PDE4B: variants seen among roughly 807,000 people sequenced by gnomAD.
The protein encoded by PDE4B is 3',5'-cyclic-AMP phosphodiesterase 4B.
PDE4B carries 20 observed loss-of-function variants against 82.2 expected under a neutral mutation model. The ratio of observed to expected loss-of-function variants is 0.24; its 90% CI spans 0.17 to 0.35. PDE4B has a LOEUF of 0.35. PDE4B is among the 10% of genes least tolerant of loss of function. PDE4B has a pLI of 1.00. For missense variants in PDE4B, 655 were observed against 907.2 expected, an observed-to-expected ratio of 0.72 and a Z score of 3.57; for synonymous variants, 320 against 318.9, an observed-to-expected ratio of 1.00 and a Z score of -0.04.
intron 3 of PDE4B, among the ~76,000 whole-genome samples, chr1:66,183,642 A>T (rs1184391496): frequency 6.6e-6 from 1 of 152,198 alleles, no homozygotes; most frequent in African/African-American, 2.4e-5. Context: ...CATTTGTTAG[A>T]CAAAACTATA....
intron 3 of PDE4B, among the ~76,000 whole-genome samples, chr1:66,211,477 C>A (rs1413486599): frequency 6.6e-6 from 1 of 152,182 alleles, no homozygotes; most frequent in East Asian, 1.9e-4. Flanking sequence ...ACTCTACTTT[C>A]CTGCCTATAG....
chr1:66,351,355 A>G lies in PDE4B; in HGVS notation c.748-4172A>G, dbSNP rs552775459. On this transcript the variant is annotated intron_variant, in intron 8 of 16. Coordinates refer to ENST00000341517, the MANE Select transcript of PDE4B (RefSeq NM_002600.4). ...TTTGTGGATTTCTCTACTGAATTTA[A>G]TAAAGTAAATAATGCCCATTTCCTT... is the stretch of plus-strand genomic sequence containing the variant. Among the ~76,000 whole-genome samples, 184 of 152,344 alleles carry G rather than the reference A, an allele frequency of 1.2e-3. 1 individual carries two copies. Among genetic ancestry groups the G allele is most frequent in the Non-Finnish European group, 2.2e-3 (151 of 68,032 alleles).
chr1:66,145,899 A>G (rs1207892335), intron 3 of PDE4B, among the ~76,000 whole-genome samples: 4 of 152,154 alleles, frequency 2.6e-5, no homozygotes, highest in Non-Finnish European at 4.4e-5. Flanking sequence ...ATGTTGAATA[A>G]TGATCTCTGC....
intron 3 of PDE4B, among the ~76,000 whole-genome samples, chr1:66,199,258 C>A (rs1648642299): frequency 6.6e-6 from 1 of 151,678 alleles, no homozygotes; most frequent in Non-Finnish European, 1.5e-5. Context: ...TTCTCCACAT[C>A]CTCTCCAGCA....
At chr1:65,823,396 TAA>T (rs35854326) in intron 1 of PDE4B, among the ~76,000 whole-genome samples, 85 of 70,428 alleles carry the variant, frequency 1.2e-3, no homozygotes, top group Middle Eastern at 9.1e-3. Context: ...ACTCCATCTC[TAA>T]AAAAAAAAAA....
Position 66,371,431 on chromosome 1 carries a change from A to G in PDE4B, c.1846-882A>G, listed in dbSNP as rs571497244. Among the ~76,000 whole-genome samples the G allele has an allele frequency of 8.5e-5, 13 of 152,138 alleles. No individual in the cohort carries two copies. In the South Asian group the frequency reaches 2.5e-3, roughly 29 times the overall value. On this transcript the variant is annotated intron_variant, in intron 16 of 16. Transcript: ENST00000341517. The stretch of plus-strand genomic sequence containing the variant: ...CCCCAGTGTTTCCTGTTTGTCCAAC[A>G]ATGAGGAGGCCAGCGTAAGGCCACA...
At chr1:66,079,178 C>G (rs912033001) in intron 3 of PDE4B, among the ~76,000 whole-genome samples, 2 of 145,510 alleles carry the variant, frequency 1.4e-5, no homozygotes, top group African/African-American at 5.4e-5. Context: ...CTCTCTCTCT[C>G]TCTCTCTCTC....
At chr1:66,305,193 G>T (rs1658182468) in intron 7 of PDE4B, among the ~76,000 whole-genome samples, 1 of 152,078 alleles carries the variant, frequency 6.6e-6, no homozygotes, top group African/African-American at 2.4e-5. Context: ...AGATAAAGAG[G>T]CCAGGAAAAG....
At chr1:65,878,529 C>T (rs936361351) in intron 1 of PDE4B, among the ~76,000 whole-genome samples, 7 of 152,154 alleles carry the variant, frequency 4.6e-5, no homozygotes, top group Non-Finnish European at 7.4e-5. Context: ...GGCACATATA[C>T]GTCATGGAAT....
At chr1:66,000,599 G>A (rs1651813447) in intron 3 of PDE4B, among the ~76,000 whole-genome samples, 1 of 152,168 alleles carries the variant, frequency 6.6e-6, no homozygotes, top group Non-Finnish European at 1.5e-5. Flanking sequence ...ATACCACTGT[G>A]TACTTTAGGT....
At chr1:65,952,341 A>G (rs1198247579) in intron 3 of PDE4B, among the ~76,000 whole-genome samples, 1 of 152,020 alleles carries the variant, frequency 6.6e-6, no homozygotes, top group Non-Finnish European at 1.5e-5. Context: ...TAGCTTTCCT[A>G]CCTAATGCCT....
chr1:65,903,419 G>A (rs958857708), intron 1 of PDE4B, among the ~76,000 whole-genome samples: 3 of 148,498 alleles, frequency 2.0e-5, no homozygotes, highest in Non-Finnish European at 3.0e-5. Flanking sequence ...ACACACACAT[G>A]CACACACACA....
intron 3 of PDE4B, among the ~76,000 whole-genome samples, chr1:66,132,288 TTG>T (rs1645965319): frequency 1.3e-5 from 2 of 152,232 alleles, no homozygotes; most frequent in Non-Finnish European, 2.9e-5. Flanking sequence ...AACATAAGCT[TTG>T]TAGTCTGATA....
chr1:65,979,339 A>G (rs1306719487), intron 3 of PDE4B, among the ~76,000 whole-genome samples: 1 of 152,164 alleles, frequency 6.6e-6, no homozygotes, highest in Non-Finnish European at 1.5e-5. Flanking sequence ...TCCTTGGTAC[A>G]CAGTGTTACC....
At chr1:66,171,157 G>A (rs1007135806) in intron 3 of PDE4B, among the ~76,000 whole-genome samples, 1 of 152,018 alleles carries the variant, frequency 6.6e-6, no homozygotes, top group Admixed American at 6.6e-5. Flanking sequence ...AATTTTGCCT[G>A]CTCACATTTT....
intron 3 of PDE4B, among the ~76,000 whole-genome samples, chr1:65,996,028 A>G (rs576036209): frequency 1.3e-5 from 2 of 152,326 alleles, no homozygotes; most frequent in Non-Finnish European, 2.9e-5. Flanking sequence ...AGATTTAAGA[A>G]ATATTTATGA....
At chr1:65,923,100 G>A (rs1478309396) in intron 3 of PDE4B, among the ~76,000 whole-genome samples, 1 of 151,010 alleles carries the variant, frequency 6.6e-6, no homozygotes, top group East Asian at 2.0e-4. Context: ...ATGTCTTCTT[G>A]ATTTTCTCAT....
chr1:65,992,924 T>C (rs1180134693), intron 3 of PDE4B: 1 of 1,613,766 alleles, frequency 6.2e-7, no homozygotes, highest in African/African-American at 1.3e-5. Flanking sequence ...CAAAAGATTC[T>C]TCAAAGGAAC....
At chr1:66,005,716 A>G (rs1031425495) in intron 3 of PDE4B, among the ~76,000 whole-genome samples, 1 of 152,154 alleles carries the variant, frequency 6.6e-6, no homozygotes, top group African/African-American at 2.4e-5. Context: ...AGACTTAGGA[A>G]CCTGTATGGA....
Sources: gnomAD v4.1 joint callset for allele counts (sites outside exome capture counted in the v4.1 genomes callset) on GRCh38, gnomAD v4.1.1 for gene constraint, MANE v1.5 for transcripts, NCBI Gene and HGNC (gene_info 2026-07-23, HGNC 2026-07-21) for gene names.